The following RMDN2 variants were observed in gnomAD, a reference collection of about 807,000 sequenced individuals.
The protein encoded by RMDN2 is regulator of microtubule dynamics 2.
RMDN2 carries 61 observed loss-of-function variants against 52.8 expected under a neutral mutation model. The ratio of observed to expected loss-of-function variants is 1.16; its 90% CI spans 0.94 to 1.43. The LOEUF (loss-of-function observed/expected upper bound fraction) is 1.43. Ranked by LOEUF, RMDN2 falls within the 40% of genes most tolerant of loss-of-function variation. The probability of loss-of-function intolerance (pLI) is 0.00; values close to 1 mark genes in which losing one functional copy is unlikely to be tolerated. For missense variants in RMDN2, 592 were observed against 475.3 expected (o/e 1.25, Z -2.28); for synonymous variants, 180 against 153.1 (o/e 1.18, Z -1.30).
At chr2:38,006,854 C>T (rs965614688) in intron 10 of RMDN2, among the ~76,000 whole-genome samples, 1 of 152,128 alleles carries the variant, frequency 6.6e-6, no homozygotes, top group African/African-American at 2.4e-5. Context: ...TCATAGATAG[C>T]TCTTATTATT....
At chr2:37,992,232 T>C (rs116345555) in intron 7 of RMDN2, among the ~76,000 whole-genome samples, 2,463 of 152,336 alleles carry the variant, frequency 0.016, 60 homozygotes, top group African/African-American at 0.056. Context: ...AGAGGCAGCA[T>C]TGAAATTGAA....
chr2:38,043,788 C>G (rs1681106927), intron 10 of RMDN2, among the ~76,000 whole-genome samples: 1 of 152,044 alleles, frequency 6.6e-6, no homozygotes, highest in Admixed American at 6.5e-5. Flanking sequence ...CCAGATTCCT[C>G]CTTCTTATCC....
intron 10 of RMDN2, among the ~76,000 whole-genome samples, chr2:38,039,892 C>T (rs1274866830): frequency 2.0e-5 from 3 of 152,114 alleles, no homozygotes; most frequent in Non-Finnish European, 4.4e-5. Context: ...ACTGTGTGCC[C>T]TACCTGCCCC....
At chr2:38,003,700 CTG>C (rs932704404) in intron 8 of RMDN2, among the ~76,000 whole-genome samples, 7 of 152,102 alleles carry the variant, frequency 4.6e-5, no homozygotes, top group Admixed American at 1.3e-4. Flanking sequence ...AGAAAGAAGA[CTG>C]AGGAAAATGA....
intron 10 of RMDN2, among the ~76,000 whole-genome samples, chr2:38,051,782 C>T (rs562073149): frequency 6.6e-6 from 1 of 152,154 alleles, no homozygotes; most frequent in African/African-American, 2.4e-5. Context: ...AGATATTTGT[C>T]TTTCTGTGCC....
chr2:38,006,075 T>G (rs1677038584), intron 10 of RMDN2, among the ~76,000 whole-genome samples: 2 of 152,366 alleles, frequency 1.3e-5, no homozygotes, highest in South Asian at 4.1e-4. Flanking sequence ...TCTGTTTTGG[T>G]ACCAGTACCA....
chr2:38,058,929 CACTT>C (rs1403870160), intron 10 of RMDN2, among the ~76,000 whole-genome samples: 1 of 152,206 alleles, frequency 6.6e-6, no homozygotes, highest in Non-Finnish European at 1.5e-5. Context: ...TGTTCACACT[CACTT>C]ACTCGGAGGA....
intron 2 of RMDN2, among the ~76,000 whole-genome samples, chr2:37,956,095 A>C (rs1360714783): frequency 6.6e-6 from 1 of 152,042 alleles, no homozygotes; most frequent in Non-Finnish European, 1.5e-5. Context: ...CTTCCTCTTC[A>C]GTGTTTTGGA....
chr2:37,956,653 CTTCTTTTTTATTTTTT>C (rs1251640522), intron 2 of RMDN2, among the ~76,000 whole-genome samples: 4 of 149,140 alleles, frequency 2.7e-5, no homozygotes, highest in Non-Finnish European at 6.0e-5. Flanking sequence ...CTTTTTTTTT[CTTCTTTTTTATTTTTT>C]ATTATACTTT....
At chr2:38,019,014 C>G (rs1679133482), downstream of RMDN2, among the ~76,000 whole-genome samples, 2 of 152,224 alleles carry the variant, frequency 1.3e-5, no homozygotes, top group African/African-American at 4.8e-5. Flanking sequence ...CTGAATCAGT[C>G]CAGCTGGTTC....
chr2:38,007,343 T>C (rs1677252557), intron 10 of RMDN2, among the ~76,000 whole-genome samples: 2 of 152,336 alleles, frequency 1.3e-5, no homozygotes, highest in South Asian at 4.1e-4. Context: ...CCTGGACTTC[T>C]TTTGGTTGGT....
intron 10 of RMDN2, among the ~76,000 whole-genome samples, chr2:38,005,526 T>C (rs1676953929): frequency 6.6e-6 from 1 of 152,206 alleles, no homozygotes; most frequent in Non-Finnish European, 1.5e-5. Context: ...GTTCATATCC[T>C]GTGCCCACTT....
intron 5 of RMDN2, 44 bp downstream of exon 5, chr2:37,981,387 C>T: frequency 1.6e-6 from 2 of 1,255,108 alleles, no homozygotes; most frequent in Middle Eastern, 3.8e-4. Flanking sequence ...TCTAACCTGC[C>T]TCTTTATAAA....
chr2:37,997,500 C>T lies in RMDN2; in HGVS notation c.1030C>T (p.His344Tyr), dbSNP rs368925051. The part of the protein sequence containing the change: ...IPSSTVQEAL[H>Y]NFLKAEELCP... ...ATCTTCAACTGTACAAGAAGCTTTACACAATTTCCTTAAGGTACATTTTGT... is the reference window on the plus strand; with the variant it reads ...ATCTTCAACTGTACAAGAAGCTTTATACAATTTCCTTAAGGTACATTTTGT... The change falls in exon 8 of 11, where the codon CAC (histidine) becomes TAC (tyrosine). Residue 344 changes from histidine to tyrosine, a missense_variant. By Grantham distance (83) the His-to-Tyr change is moderately conservative. Coordinates refer to ENST00000354545, the MANE Select transcript of RMDN2 (RefSeq NM_001170791.3). 1 of 1,608,318 alleles carries T rather than the reference C, an allele frequency of 6.2e-7. No homozygotes were observed. The highest frequency in any genetic ancestry group is 8.5e-7 in the Non-Finnish European group (1 of 1,174,798).
rs117759393 is a variant in RMDN2 at position 37,944,101 on chromosome 2, C to T, written c.452+14372C>T. ...TAAACGTTTTGTGTAACTGCACCACCCAAGTTTTGCCAAGCCGAAAACTTG... is the reference window on the plus strand; with the variant it reads ...TAAACGTTTTGTGTAACTGCACCACTCAAGTTTTGCCAAGCCGAAAACTTG... On this transcript the variant is annotated intron_variant, in intron 2 of 10. Transcript: ENST00000354545. Among the ~76,000 whole-genome samples, 271 of 152,208 alleles carry T rather than the reference C, an allele frequency of 1.8e-3. 4 individuals are homozygous for T. The East Asian group carries it at 0.044, about 24-fold the overall frequency.
Position 38,017,383 on chromosome 2 carries a change from T to C in RMDN2, c.*144T>C. 7.2e-7 allele frequency: 1 copy of C among 1,386,296 alleles called. No individual in the cohort carries two copies. Among genetic ancestry groups the C allele is most frequent in the Non-Finnish European group, 9.4e-7 (1 of 1,062,464 alleles). The allele number at this position is 1,386,296 out of a possible 1,614,324, so 85.9% of individuals were successfully genotyped here. A position where few individuals can be genotyped will look rare whatever the true frequency, so the allele number is the denominator to read the frequency against. ...TAAAGCCATGTTTCTGCAGAATGCA[T>C]TCCACTAGTAGCACTACAAAATTAA... is the stretch of plus-strand genomic sequence containing the variant. On this transcript the variant is annotated 3_prime_UTR_variant, in exon 11 of 11. Transcript: ENST00000354545.
At chr2:38,042,427 CACACACACACACACACCA>C in intron 10 of RMDN2, among the ~76,000 whole-genome samples, 1 of 67,098 alleles carries the variant, frequency 1.5e-5, no homozygotes, top group Admixed American at 1.9e-4. Context: ...ACACACACCA[CACACACACACACACACCA>C]CACACACACA....
chr2:38,013,945 G>A (rs973354215), intron 10 of RMDN2, among the ~76,000 whole-genome samples: 10 of 152,096 alleles, frequency 6.6e-5, no homozygotes, highest in Non-Finnish European at 1.2e-4. Flanking sequence ...CGTGGCTCAC[G>A]CCTGTAATCC....
rs138334184 is a variant in RMDN2 at position 38,007,043 on chromosome 2, C to T, written c.1179+2827C>T. The stretch of plus-strand genomic sequence containing the variant: ...CGTATGTTGAACCAGCCTTGCATCC[C>T]AGGGATGAAGCCCACTTGATGATGG... On this transcript the variant is annotated intron_variant, in intron 10 of 10. Coordinates refer to ENST00000354545, the MANE Select transcript of RMDN2 (RefSeq NM_001170791.3). 9.2e-3 allele frequency among the ~76,000 whole-genome samples: 1,399 copies of T among 152,258 alleles called. 20 individuals are homozygous for T. Among genetic ancestry groups the T allele is most frequent in the African/African-American group, 0.032 (1,321 of 41,542 alleles).
Sources: gnomAD v4.1 joint callset for allele counts (sites outside exome capture counted in the v4.1 genomes callset) on GRCh38, gnomAD v4.1.1 for gene constraint, MANE v1.5 for transcripts, NCBI Gene and HGNC (gene_info 2026-07-23, HGNC 2026-07-21) for gene names.